KDM2B: variants seen among roughly 807,000 people sequenced by gnomAD.
KDM2B encodes lysine-specific demethylase 2B.
In KDM2B, 26 loss-of-function variants were observed where a neutral mutation model predicts 150.0. That is an observed-to-expected ratio of 0.17 (90% CI 0.13 to 0.24). The LOEUF is 0.24. Ranked by LOEUF, KDM2B falls within the 10% of genes least tolerant of loss-of-function variation. The probability of loss-of-function intolerance (pLI) is 1.00; values close to 1 mark genes in which losing one functional copy is unlikely to be tolerated. For missense variants in KDM2B, 1,265 were observed against 1,816.9 expected (o/e 0.70, Z 5.52); for synonymous variants, 734 against 729.5 (o/e 1.01, Z -0.10).
rs1429128154 is a variant in KDM2B at position 121,477,579 on chromosome 12, C to T, written c.1734+17000G>A. Among the ~76,000 whole-genome samples, 103 of 134,780 alleles carry T rather than the reference C, an allele frequency of 7.6e-4. 2 individuals carry two copies. The highest frequency in any genetic ancestry group is 1.1e-3 in the Non-Finnish European group (72 of 63,956). 88.4% of individuals were successfully genotyped at this position (134,780 alleles called of 152,430 possible). Reference sequence around the variant, plus strand: ...TTTTCTTCTTTTCTTTTTGTCTTTCCTTTTTTTTTTTTTTGGAGATGGAGT... The same window carrying T: ...TTTTCTTCTTTTCTTTTTGTCTTTCTTTTTTTTTTTTTTTGGAGATGGAGT... On this transcript the variant is annotated intron_variant, in intron 12 of 22. Coordinates refer to ENST00000377071, the MANE Select transcript of KDM2B (RefSeq NM_032590.5).
the KDM2B span, among the ~76,000 whole-genome samples, chr12:121,413,864 C>T: frequency 3.9e-4 from 59 of 152,184 alleles, 1 homozygote; most frequent in Admixed American, 1.0e-3. Context: ...TGTGAGCCAC[C>T]GCGCCCGGCT....
chr12:121,528,785 T>C (rs1477575023), intron 8 of KDM2B, among the ~76,000 whole-genome samples: 2 of 151,756 alleles, frequency 1.3e-5, no homozygotes, highest in Admixed American at 1.3e-4. Flanking sequence ...CCCAGCTACT[T>C]GGGAGGCTGA....
intron 22 of KDM2B, among the ~76,000 whole-genome samples, chr12:121,435,598 T>C (rs1555286577): frequency 1.3e-5 from 2 of 152,064 alleles, no homozygotes; most frequent in Non-Finnish European, 2.9e-5. Context: ...GGGGTTTTAG[T>C]CTCTGATGGG....
Position 121,496,798 on chromosome 12 carries a change from C to T in KDM2B, c.1648-2133G>A, listed in dbSNP as rs554117381. 1.8e-3 allele frequency among the ~76,000 whole-genome samples: 273 copies of T among 150,074 alleles called. 2 individuals carry two copies. Among genetic ancestry groups the T allele is most frequent in the African/African-American group, 5.8e-3 (234 of 40,684 alleles). On this transcript the variant is annotated intron_variant, in intron 11 of 22. Transcript: ENST00000377071. The stretch of plus-strand genomic sequence containing the variant: ...TGAGCCCCCCAAAGTGCTGGGATTG[C>T]GAGTGTGAGCCTCCCAAAGTGCTGG...
intron 6 of KDM2B, among the ~76,000 whole-genome samples, chr12:121,544,790 G>A (rs1193042065): frequency 1.3e-5 from 2 of 151,810 alleles, no homozygotes; most frequent in African/African-American, 4.8e-5. Flanking sequence ...GTGGGTGCCT[G>A]TAATCCCAGC....
intron 8 of KDM2B, among the ~76,000 whole-genome samples, chr12:121,526,831 A>G (rs1270005847): frequency 1.3e-5 from 2 of 152,048 alleles, no homozygotes; most frequent in East Asian, 3.9e-4. Flanking sequence ...CAGGAGTTCA[A>G]GACCAGCCTG....
At chr12:121,535,223 A>C (rs1423840919) in intron 6 of KDM2B, among the ~76,000 whole-genome samples, 4 of 151,608 alleles carry the variant, frequency 2.6e-5, no homozygotes, top group South Asian at 2.1e-4. Flanking sequence ...AAAAAAAAAA[A>C]CCCACACACA....
chr12:121,471,332 CATGTG>C (rs1176526645), intron 12 of KDM2B, among the ~76,000 whole-genome samples: 2 of 152,192 alleles, frequency 1.3e-5, no homozygotes, highest in African/African-American at 4.8e-5. Context: ...GAACTTTCAC[CATGTG>C]ATGTGGAAAT....
At chr12:121,545,079 T>C (rs1412352302) in intron 6 of KDM2B, among the ~76,000 whole-genome samples, 2 of 152,190 alleles carry the variant, frequency 1.3e-5, no homozygotes, top group African/African-American at 4.8e-5. Context: ...GCCTCCAGCA[T>C]GAAAGCTCCA....
chr12:121,579,710 G>A, intron 1 of KDM2B: 1 of 1,028,636 alleles, frequency 9.7e-7, no homozygotes, highest in Non-Finnish European at 1.2e-6. Context: ...TCCCTCCACC[G>A]CCCAGCGCCC....
chr12:121,428,684 T>C (rs1872636775), downstream of KDM2B, among the ~76,000 whole-genome samples: 1 of 152,162 alleles, frequency 6.6e-6, no homozygotes. Context: ...AGCAGGGTCC[T>C]GTCTTTAAAA....
At chr12:121,577,060 G>A (rs1433576578) in intron 2 of KDM2B, among the ~76,000 whole-genome samples, 2 of 152,196 alleles carry the variant, frequency 1.3e-5, no homozygotes, top group Non-Finnish European at 2.9e-5. Flanking sequence ...TCCAGGCTAA[G>A]GGCTCCTGTT....
At chr12:121,539,938 C>T (rs1555309454) in intron 6 of KDM2B, among the ~76,000 whole-genome samples, 2 of 152,108 alleles carry the variant, frequency 1.3e-5, no homozygotes, top group African/African-American at 2.4e-5. Context: ...TGGGGTTTTG[C>T]TGTATTGGCT....
intron 12 of KDM2B, among the ~76,000 whole-genome samples, chr12:121,476,481 G>GT (rs111988568): frequency 1.3e-4 from 19 of 148,928 alleles, no homozygotes; most frequent in Admixed American, 3.3e-4. Context: ...TTTGTTTTTT[G>GT]TTTTTAAAAA....
chr12:121,453,040 A>C lies in KDM2B; in HGVS notation c.1959+80T>G, dbSNP rs1230083482. The C allele has an allele frequency of 3.2e-6, 4 of 1,260,412 alleles. No individual in the cohort carries two copies. Among genetic ancestry groups the C allele is most frequent in the Non-Finnish European group, 4.3e-6 (4 of 926,416 alleles). The allele number at this position is 1,260,412 out of a possible 1,614,324, so 78.1% of individuals were successfully genotyped here. ...CTTCTCTGTGTGCGGAGGGGCGGCC[A>C]GAGCGAGCAGCGGTCAGACACGCGG... On this transcript the variant is annotated intron_variant, in intron 13 of 22. Transcript: ENST00000377071. The surrounding 1 kb of genome is among the most constrained non-coding windows in gnomAD (Gnocchi z 6.4).
intron 12 of KDM2B, among the ~76,000 whole-genome samples, chr12:121,466,909 C>T (rs1656742302): frequency 6.8e-6 from 1 of 146,944 alleles, no homozygotes; most frequent in African/African-American, 2.4e-5. Flanking sequence ...CCACATTGTC[C>T]CCGCGGTGCC....
chr12:121,440,950 C>A lies in KDM2B; in HGVS notation c.3476G>T (p.Cys1159Phe). Residue 1159 changes from cysteine to phenylalanine, a missense_variant, in exon 21 of 23, where the codon TGC becomes TTC. By Grantham distance (205) the Cys-to-Phe change is radical. Coordinates refer to ENST00000377071, the MANE Select transcript of KDM2B (RefSeq NM_032590.5). ...AAGGGCCGAGACCGCGATCCATGAG[C>A]AGCCTGACAGCACCAAGTCCCGGAG... ...PGLRDLVLSG[C>F]SWIAVSALCS... The A allele has an allele frequency of 6.2e-7, 1 of 1,613,974 alleles. No homozygotes were observed.
the KDM2B span, chr12:121,420,654 C>G: frequency 6.2e-7 from 1 of 1,614,054 alleles, no homozygotes; most frequent in Admixed American, 1.7e-5. Context: ...AAGGAATGAG[C>G]GTGCGCCAGC....
intron 2 of KDM2B, among the ~76,000 whole-genome samples, chr12:121,578,261 G>T (rs141698042): frequency 2.5e-3 from 375 of 152,318 alleles, no homozygotes; most frequent in African/African-American, 8.4e-3. Flanking sequence ...GCCCATGGGG[G>T]AATGCGGCTC....
Sources: allele counts gnomAD v4.1 joint callset (sites outside exome capture counted in the v4.1 genomes callset), GRCh38; gene constraint gnomAD v4.1.1; non-coding constraint Gnocchi (gnomAD v3.1); transcripts MANE v1.5; gene names NCBI Gene and HGNC (gene_info 2026-07-23, HGNC 2026-07-21).